Variants in SH3D19 observed in about 807,000 individuals in gnomAD.
The protein encoded by SH3D19 is SH3 domain-containing protein 19.
In SH3D19, 58 loss-of-function variants were observed where a neutral mutation model predicts 112.1. That is an observed-to-expected ratio of 0.52 (90% CI 0.42 to 0.64). SH3D19 has a LOEUF of 0.64. Among genes scored for constraint, SH3D19 ranks in the 30% least tolerant of loss-of-function variants. The pLI is 0.00. For synonymous variants in SH3D19, 391 were observed against 448.5 expected, an observed-to-expected ratio of 0.87 and a Z score of 1.62; for missense variants, 1,090 against 1,263.4, an observed-to-expected ratio of 0.86 and a Z score of 2.08.
chr4:151,176,014 A>G (rs748184684), intron 6 of SH3D19, among the ~76,000 whole-genome samples: 12 of 151,996 alleles, frequency 7.9e-5, no homozygotes, highest in Non-Finnish European at 1.6e-4. Flanking sequence ...GGGACTACAG[A>G]CACATACCAC....
intron 1 of SH3D19, chr4:151,283,064 C>T: frequency 6.4e-7 from 1 of 1,554,426 alleles, no homozygotes; most frequent in Non-Finnish European, 8.9e-7. Flanking sequence ...CTGAATGCTG[C>T]CCCTGCACTT....
intron 1 of SH3D19, among the ~76,000 whole-genome samples, chr4:151,236,483 T>G (rs1439692017): frequency 3.9e-5 from 6 of 152,220 alleles, no homozygotes; most frequent in Admixed American, 1.3e-4. Context: ...AGAACTTTTC[T>G]GTCTAGCTAA....
rs746491847 is a variant in SH3D19 at position 151,144,174 on chromosome 4, T to TA, written c.2083-125dup. The TA allele has an allele frequency of 2.5e-6, 4 of 1,597,928 alleles. No individual in the cohort carries two copies. The South Asian group carries it at 3.3e-5, about 13-fold the overall frequency. On this transcript the variant is annotated intron_variant, in intron 11 of 19. Coordinates refer to ENST00000604030, the MANE Select transcript of SH3D19 (RefSeq NM_001378122.1). ...GTGTAATGGTAGTAACAGAGGCCAG[T>TA]AATTTTTTTTTTACATTAACCAGTA...
intron 1 of SH3D19, among the ~76,000 whole-genome samples, chr4:151,294,887 G>C (rs1168078762): frequency 1.3e-5 from 2 of 152,216 alleles, no homozygotes; most frequent in East Asian, 3.8e-4. Context: ...AGGGTGGTCA[G>C]GGAAGGTTCT....
intron 2 of SH3D19, among the ~76,000 whole-genome samples, chr4:151,198,327 T>A (rs1387938679): frequency 6.2e-5 from 5 of 81,196 alleles, no homozygotes; most frequent in Admixed American, 1.7e-4. Context: ...AATATATATA[T>A]AATATAAAAA....
At chr4:151,179,225 G>C (rs535506791) in intron 4 of SH3D19, 130 bp downstream of exon 4, 56 of 457,506 alleles carry the variant, frequency 1.2e-4, no homozygotes, top group African/African-American at 8.1e-4. Flanking sequence ...TAATTCAGGA[G>C]ATATATTGAT....
At chr4:151,293,316 A>C (rs1775481798) in intron 1 of SH3D19, among the ~76,000 whole-genome samples, 2 of 145,230 alleles carry the variant, frequency 1.4e-5, no homozygotes, top group Non-Finnish European at 3.0e-5. Flanking sequence ...TAAAAATACA[A>C]AAAAAAATTA....
chr4:151,190,244 G>T (rs921332943), intron 2 of SH3D19, among the ~76,000 whole-genome samples: 3 of 152,212 alleles, frequency 2.0e-5, no homozygotes, highest in Non-Finnish European at 4.4e-5. Flanking sequence ...AAGGGAAGCA[G>T]AGCATAAAAG....
intron 2 of SH3D19, among the ~76,000 whole-genome samples, chr4:151,188,073 G>A (rs553105118): frequency 6.6e-5 from 10 of 152,090 alleles, no homozygotes; most frequent in South Asian, 2.1e-4. Flanking sequence ...GGGATGACAC[G>A]GCAACAAGAA....
intron 1 of SH3D19, among the ~76,000 whole-genome samples, chr4:151,303,349 T>C (rs1246154410): frequency 1.3e-5 from 2 of 152,202 alleles, no homozygotes; most frequent in African/African-American, 4.8e-5. Context: ...TTATCAATCA[T>C]TTCTTTTATT....
chr4:151,254,900 GGCAGAGGCGCCCCTCACCTC>G (rs1771702217), intron 1 of SH3D19, among the ~76,000 whole-genome samples: 1 of 151,312 alleles, frequency 6.6e-6, no homozygotes, highest in African/African-American at 2.4e-5. Context: ...GGGGCGGCCG[GGCAGAGGCGCCCCTCACCTC>G]CCGGGAGGGG....
intron 1 of SH3D19, 110 bp from the exon 2 acceptor site, chr4:151,226,196 G>C (rs915706088): frequency 8.1e-7 from 1 of 1,228,224 alleles, no homozygotes; most frequent in Non-Finnish European, 1.0e-6. Flanking sequence ...ACTGTTCAAA[G>C]GTAGTTGTGT....
At chr4:151,324,949 AACCAGGCC>A (rs1033247816) in intron 1 of SH3D19, among the ~76,000 whole-genome samples, 1 of 152,002 alleles carries the variant, frequency 6.6e-6, no homozygotes, top group African/African-American at 2.4e-5. Context: ...ATAAGTCATC[AACCAGGCC>A]ACAAGTCCCA....
chr4:151,286,186 A>C (rs903738375), intron 1 of SH3D19, among the ~76,000 whole-genome samples: 4 of 66,388 alleles, frequency 6.0e-5, no homozygotes, highest in Non-Finnish European at 1.4e-4. Context: ...GTCTTAAAGA[A>C]AAAAAAAAAA....
chr4:151,300,997 G>A (rs1396864203), intron 1 of SH3D19, among the ~76,000 whole-genome samples: 1 of 152,220 alleles, frequency 6.6e-6, no homozygotes, highest in African/African-American at 2.4e-5. Context: ...TGTGGTGTCT[G>A]TCATTCAATG....
intron 19 of SH3D19, among the ~76,000 whole-genome samples, chr4:151,124,313 G>A (rs1748681834): frequency 6.6e-6 from 1 of 152,006 alleles, no homozygotes; most frequent in Admixed American, 6.5e-5. Context: ...CTCCATGTTG[G>A]TCAGGCTGGT....
At chr4:151,208,994 T>C (rs1453848843) in intron 2 of SH3D19, among the ~76,000 whole-genome samples, 6 of 152,112 alleles carry the variant, frequency 3.9e-5, no homozygotes, top group African/African-American at 1.4e-4. Flanking sequence ...CTCTTTAATA[T>C]ACATCTCCTA....
intron 1 of SH3D19, chr4:151,300,496 G>A (rs1488154851): frequency 6.6e-6 from 1 of 151,918 alleles, no homozygotes; most frequent in African/African-American, 2.4e-5. Flanking sequence ...AAAATAAAGG[G>A]AATAAAAGGT....
intron 8 of SH3D19, among the ~76,000 whole-genome samples, chr4:151,161,048 A>G (rs1005592247): frequency 3.3e-5 from 5 of 152,188 alleles, no homozygotes; most frequent in African/African-American, 4.8e-5. Flanking sequence ...ATGAAAGTAG[A>G]AAGGAGATAG....
Sources: allele counts gnomAD v4.1 joint callset (sites outside exome capture counted in the v4.1 genomes callset), GRCh38; gene constraint gnomAD v4.1.1; transcripts MANE v1.5; gene names NCBI Gene and HGNC (gene_info 2026-07-23, HGNC 2026-07-21).